Variants in SETDB2 observed in about 807,000 individuals in gnomAD.
SETDB2 encodes histone-lysine N-methyltransferase SETDB2.
Under a neutral mutation model 82.5 loss-of-function variants are expected in SETDB2, and 56 were observed. The ratio of observed to expected loss-of-function variants is 0.68; its 90% CI spans 0.55 to 0.85. The LOEUF (loss-of-function observed/expected upper bound fraction) is 0.85, where lower values mean the gene tolerates loss of function less well. Ranked by LOEUF, SETDB2 falls within the 40% of genes least tolerant of loss-of-function variation. SETDB2 has a pLI of 0.00. For missense variants in SETDB2, 677 were observed against 816.4 expected, an observed-to-expected ratio of 0.83 and a Z score of 2.08; for synonymous variants, 272 against 284.9, an observed-to-expected ratio of 0.95 and a Z score of 0.46.
In SETDB2 at chr13:49,451,961, A is replaced by C. The variant is rs372112077; in HGVS notation, c.16+52A>C. On this transcript the variant is annotated intron_variant, in intron 2 of 13. Coordinates refer to ENST00000611815, the MANE Select transcript of SETDB2 (RefSeq NM_001160308.3). ...TTTATATCTAAAAGTATAAAAGTAT[A>C]TAGACAATGTAAGCTGATGTGGAAT... 10 of 1,350,166 alleles carry C rather than the reference A, an allele frequency of 7.4e-6. No homozygotes were observed. The South Asian group carries it at 1.3e-4, about 17-fold the overall frequency. The allele number at this position is 1,350,166 out of a possible 1,614,324, so 83.6% of individuals were successfully genotyped here. A position where few individuals can be genotyped will look rare whatever the true frequency, so the allele number is the denominator to read the frequency against.
intron 5 of SETDB2, among the ~76,000 whole-genome samples, chr13:49,470,064 A>G (rs1006480166): frequency 6.6e-6 from 1 of 152,180 alleles, no homozygotes; most frequent in African/African-American, 2.4e-5. Context: ...GTTTCGTACC[A>G]ATGTTGCGTA....
chr13:49,479,552 C>T (rs975965728), intron 6 of SETDB2, among the ~76,000 whole-genome samples: 1 of 152,176 alleles, frequency 6.6e-6, no homozygotes, highest in South Asian at 2.1e-4. Context: ...CTTAAAGTCA[C>T]TTGTTCAGCA....
Position 49,493,190 on chromosome 13 carries a change from CAT to C in SETDB2, c.*1343_*1344del, listed in dbSNP as rs1958745046. On this transcript the variant is annotated 3_prime_UTR_variant, in exon 14 of 14. Transcript: ENST00000611815. Reference sequence around the variant, plus strand: ...CAGACAGCTAGGAAAAGGAGCAAAACATAGCCCAGCAACCTACAGATGAAGAA... The same window carrying C: ...CAGACAGCTAGGAAAAGGAGCAAAACAGCCCAGCAACCTACAGATGAAGAA... 6.6e-6 allele frequency: 1 copy of C among 152,114 alleles called. No individual in the cohort carries two copies. The highest frequency in any genetic ancestry group is 1.5e-5 in the Non-Finnish European group (1 of 68,032). The allele number at this position is 152,114 out of a possible 1,614,324, so 9.4% of individuals were successfully genotyped here.
At chr13:49,448,188 A>G (rs1332602230) in intron 1 of SETDB2, among the ~76,000 whole-genome samples, 1 of 152,124 alleles carries the variant, frequency 6.6e-6, no homozygotes, top group Non-Finnish European at 1.5e-5. Flanking sequence ...ATCTCTAGTA[A>G]TATCTTCAGT....
chr13:49,489,596 C>CTTTTTTTTTTTTT (rs58715452), intron 12 of SETDB2, among the ~76,000 whole-genome samples: 5 of 100,560 alleles, frequency 5.0e-5, no homozygotes, highest in Non-Finnish European at 7.2e-5. Flanking sequence ...CATATTTATT[C>CTTTTTTTTTTTTT]TTTTTTTTTT....
intron 5 of SETDB2, among the ~76,000 whole-genome samples, chr13:49,471,902 A>AT (rs1958249103): frequency 7.1e-6 from 1 of 140,526 alleles, no homozygotes; most frequent in East Asian, 2.1e-4. Flanking sequence ...TGCAAGTGTT[A>AT]TCTCATGTGA....
At chr13:49,490,773 A>C (rs768459072) in intron 12 of SETDB2, 49 bp from the exon 13 acceptor site, 2 of 1,387,800 alleles carry the variant, frequency 1.4e-6, no homozygotes, top group Non-Finnish European at 2.0e-6. Context: ...AGCACAAGGC[A>C]TCAGACTTTA....
chr13:49,464,880 A>G (rs1354998587), intron 4 of SETDB2, among the ~76,000 whole-genome samples: 3 of 151,882 alleles, frequency 2.0e-5, no homozygotes, highest in Non-Finnish European at 4.4e-5. Flanking sequence ...TGGGCAACAC[A>G]GTGAGACCTC....
At chr13:49,467,812 C>A in intron 4 of SETDB2, 52 bp from the exon 5 acceptor site, 2 of 1,390,504 alleles carry the variant, frequency 1.4e-6, no homozygotes, top group Non-Finnish European at 2.0e-6. Flanking sequence ...GTACTTATAG[C>A]AAATGGTTTT....
chr13:49,461,484 G>T (rs748703044), intron 4 of SETDB2, among the ~76,000 whole-genome samples: 2 of 152,166 alleles, frequency 1.3e-5, no homozygotes, highest in Non-Finnish European at 1.5e-5. Context: ...TTTCTGTGAA[G>T]AACAATACTT....
intron 4 of SETDB2, among the ~76,000 whole-genome samples, chr13:49,467,318 C>T (rs1958135809): frequency 6.6e-6 from 1 of 151,984 alleles, no homozygotes; most frequent in Non-Finnish European, 1.5e-5. Context: ...TCGTTTGAAC[C>T]TAGGAGGTAG....
At position 49,488,542 on chromosome 13, in the gene SETDB2, C is replaced by G; in HGVS notation, c.1829C>G (p.Thr610Ser). The change falls in exon 12 of 14, where the codon ACT (threonine) becomes AGT (serine). Residue 610 changes from threonine (T) to serine (S), a missense_variant. Physicochemically the swap from Thr to Ser is moderately conservative, Grantham distance 58. This residue lies in a region of SETDB2 where 420 missense variants were observed against 554.6 expected (regional missense o/e 0.76). Transcript: ENST00000611815. ...GAGTTGCTAAGTGAAACCAAGAATA[C>G]TTCATCTGATTCTCTAACAAAGTTC... ...DEELLSETKN[T>S]SSDSLTKFNK... The G allele has an allele frequency of 6.2e-7, 1 of 1,613,694 alleles. No individual in the cohort carries two copies. Among genetic ancestry groups the G allele is most frequent in the Non-Finnish European group, 8.5e-7 (1 of 1,179,888 alleles).
intron 1 of SETDB2, among the ~76,000 whole-genome samples, chr13:49,446,933 A>G (rs1462073734): frequency 6.6e-6 from 1 of 152,194 alleles, no homozygotes. Flanking sequence ...TAGTTTTAAT[A>G]GGTCATGCTA....
rs1958733637 is a variant in SETDB2, at chr13:49,492,595, A to C, written c.*746A>C. On this transcript the variant is annotated 3_prime_UTR_variant, in exon 14 of 14. Transcript: ENST00000611815. ...ATAGAGATACAGTTACTGAAAAGGA[A>C]ACCTAGAAAGTAGTCACACGTTGCT... is the stretch of plus-strand genomic sequence containing the variant. 1 of 152,234 alleles carries C rather than the reference A, an allele frequency of 6.6e-6. No homozygotes were observed. The highest frequency in any genetic ancestry group is 6.5e-5 in the Admixed American group (1 of 15,278). The allele number at this position is 152,234 out of a possible 1,614,324, so 9.4% of individuals were successfully genotyped here.
At chr13:49,477,309 A>G (rs1958387745) in intron 6 of SETDB2, among the ~76,000 whole-genome samples, 1 of 152,122 alleles carries the variant, frequency 6.6e-6, no homozygotes, top group African/African-American at 2.4e-5. Flanking sequence ...GGTGGTGTGC[A>G]TCTATAGTCC....
intron 2 of SETDB2, among the ~76,000 whole-genome samples, chr13:49,457,840 A>G (rs1480645698): frequency 6.6e-6 from 1 of 152,208 alleles, no homozygotes; most frequent in Non-Finnish European, 1.5e-5. Flanking sequence ...TGATTCCAGA[A>G]TACTTTAATG....
intron 5 of SETDB2, among the ~76,000 whole-genome samples, chr13:49,468,775 G>A (rs1051247726): frequency 6.6e-6 from 1 of 151,600 alleles, no homozygotes; most frequent in Non-Finnish European, 1.5e-5. Context: ...AGTTTGAGTG[G>A]GTCTCAAAAG....
intron 2 of SETDB2, among the ~76,000 whole-genome samples, chr13:49,454,768 C>G (rs1486215445): frequency 1.3e-5 from 2 of 152,164 alleles, no homozygotes; most frequent in Non-Finnish European, 2.9e-5. Flanking sequence ...GTATCATACA[C>G]AATAGTTTCG....
At chr13:49,491,599 T>C (rs1958715533) in intron 13 of SETDB2, 133 bp from the exon 14 acceptor site, 2 of 642,250 alleles carry the variant, frequency 3.1e-6, no homozygotes, top group Non-Finnish European at 5.5e-6. Flanking sequence ...TCATTCCTAA[T>C]TGGTGGATGT....
Sources: allele counts gnomAD v4.1 joint callset (sites outside exome capture counted in the v4.1 genomes callset), GRCh38; gene constraint gnomAD v4.1.1; regional missense constraint gnomAD v4.1.1; transcripts MANE v1.5; gene names NCBI Gene and HGNC (gene_info 2026-07-23, HGNC 2026-07-21).